The following UBE2K variants were observed in gnomAD, a reference collection of about 807,000 sequenced individuals.
UBE2K encodes ubiquitin conjugating enzyme E2 K, also known as ubiquitin-conjugating enzyme E2 K.
A neutral mutation model predicts 30.0 loss-of-function variants in UBE2K; 6 were observed. The observed-to-expected ratio is 0.20, with a 90% CI of 0.11 to 0.39. The LOEUF (loss-of-function observed/expected upper bound fraction) is 0.39, where lower values mean the gene tolerates loss of function less well. Ranked by LOEUF, UBE2K falls within the 10% of genes least tolerant of loss-of-function variation. The probability of loss-of-function intolerance (pLI) is 1.00; values close to 1 mark genes in which losing one functional copy is unlikely to be tolerated. For synonymous variants in UBE2K, 86 were observed against 83.7 expected (o/e 1.03, Z -0.15); for missense variants, 61 against 241.6 (o/e 0.25, Z 4.96).
intron 1 of UBE2K, among the ~76,000 whole-genome samples, chr4:39,708,699 G>A (rs1219275899): frequency 6.6e-6 from 1 of 151,996 alleles, no homozygotes; most frequent in Admixed American, 6.6e-5. Flanking sequence ...ACAGATCTAG[G>A]CCAAACTTCT....
chr4:39,713,240 A>G (rs1438732634), intron 1 of UBE2K, among the ~76,000 whole-genome samples: 6 of 149,716 alleles, frequency 4.0e-5, no homozygotes, highest in Non-Finnish European at 7.4e-5. Flanking sequence ...TTCATCTCAA[A>G]AAAGAAAATT....
chr4:39,705,247 G>T (rs1413460853), intron 1 of UBE2K, among the ~76,000 whole-genome samples: 1 of 142,694 alleles, frequency 7.0e-6, no homozygotes, highest in African/African-American at 2.6e-5. Flanking sequence ...GTCCAGGCTG[G>T]AGTATGGTGG....
At chr4:39,746,736 T>G (rs529607868) in intron 3 of UBE2K, among the ~76,000 whole-genome samples, 1 of 152,354 alleles carries the variant, frequency 6.6e-6, no homozygotes, top group South Asian at 2.1e-4. Context: ...TCAGTTTCAC[T>G]TAAATCTTTG....
intron 4 of UBE2K, among the ~76,000 whole-genome samples, chr4:39,757,018 GTTTT>G (rs1227834116): frequency 1.4e-5 from 1 of 72,120 alleles, no homozygotes; most frequent in Non-Finnish European, 2.7e-5. Context: ...TTTGTTTTTT[GTTTT>G]TTGTTTTTTG....
At chr4:39,770,393 G>A (rs1712707767) in intron 4 of UBE2K, 2 of 1,613,202 alleles carry the variant, frequency 1.2e-6, no homozygotes. Context: ...TGAAGATGAA[G>A]TGCTGCTGCC....
chr4:39,764,483 C>T (rs1712182312), intron 4 of UBE2K, among the ~76,000 whole-genome samples: 1 of 148,624 alleles, frequency 6.7e-6, no homozygotes, highest in Non-Finnish European at 1.5e-5. Context: ...TTTTCTCTGT[C>T]GCCTAGGCTG....
chr4:39,769,220 T>G (rs1038394003), intron 4 of UBE2K, among the ~76,000 whole-genome samples: 8 of 151,894 alleles, frequency 5.3e-5, no homozygotes, highest in Non-Finnish European at 8.8e-5. Context: ...TTTGTTTTTT[T>G]TTTTTTTTCG....
intron 3 of UBE2K, among the ~76,000 whole-genome samples, chr4:39,755,004 C>T (rs114371716): frequency 8.3e-4 from 127 of 152,208 alleles, no homozygotes; most frequent in Middle Eastern, 3.4e-3. Flanking sequence ...GTTTGTTATT[C>T]TTCCATAATG....
At chr4:39,698,501 C>T (rs971894747) in intron 1 of UBE2K, 111 bp downstream of exon 1, 3 of 982,390 alleles carry the variant, frequency 3.1e-6, no homozygotes, top group African/African-American at 3.2e-5. Flanking sequence ...TTGCGGCCGC[C>T]CTTCTGCCTG....
intron 1 of UBE2K, among the ~76,000 whole-genome samples, chr4:39,729,191 G>A (rs900499544): frequency 7.9e-5 from 12 of 151,226 alleles, no homozygotes; most frequent in Non-Finnish European, 1.5e-4. Flanking sequence ...GGCTAGTCTC[G>A]AACTCTTGAC....
At chr4:39,699,231 G>A (rs1216679485) in intron 1 of UBE2K, among the ~76,000 whole-genome samples, 14 of 152,184 alleles carry the variant, frequency 9.2e-5, no homozygotes, top group Admixed American at 9.2e-4. Flanking sequence ...AGATCAGAGA[G>A]ACTGTCTTAA....
chr4:39,714,379 G>T (rs771780532), intron 1 of UBE2K: 1 of 171,654 alleles, frequency 5.8e-6, no homozygotes, highest in Non-Finnish European at 1.3e-5. Flanking sequence ...TGTCAGAATA[G>T]GGCTCCTGGG....
intron 1 of UBE2K, among the ~76,000 whole-genome samples, chr4:39,719,720 G>A (rs1029835120): frequency 1.3e-5 from 2 of 152,182 alleles, no homozygotes; most frequent in Admixed American, 6.5e-5. Flanking sequence ...ATTTTGGGTT[G>A]TCTGATGCTG....
chr4:39,739,604 GC>G (rs1720569913), intron 2 of UBE2K, among the ~76,000 whole-genome samples: 1 of 151,924 alleles, frequency 6.6e-6, no homozygotes, highest in Non-Finnish European at 1.5e-5. Context: ...CCGCCACCAT[GC>G]CCGGCTAATT....
intron 4 of UBE2K, among the ~76,000 whole-genome samples, chr4:39,763,327 C>G (rs1473797054): frequency 6.6e-6 from 1 of 151,584 alleles, no homozygotes; most frequent in Non-Finnish European, 1.5e-5. Context: ...TGTTGGCTCA[C>G]TGCAACCTCC....
chr4:39,758,055 A>G (rs528047466), intron 4 of UBE2K, among the ~76,000 whole-genome samples: 1 of 152,320 alleles, frequency 6.6e-6, no homozygotes, highest in Admixed American at 6.5e-5. Context: ...ACTTGACTAT[A>G]TAACGAACAT....
intron 1 of UBE2K, among the ~76,000 whole-genome samples, chr4:39,736,191 G>A (rs1270366000): frequency 2.0e-5 from 3 of 152,148 alleles, no homozygotes; most frequent in Non-Finnish European, 2.9e-5. Context: ...GGCCGGGCAC[G>A]GTGCCTCACG....
chr4:39,760,176 C>CAAAAAAAAAAAAAAAAAAAAAAAAAAA (rs71194913), intron 4 of UBE2K, among the ~76,000 whole-genome samples: 1 of 77,182 alleles, frequency 1.3e-5, no homozygotes, highest in African/African-American at 6.1e-5. Context: ...GACTCTGTCA[C>CAAAAAAAAAAAAAAAAAAAAAAAAAAA]AAAAAAAAAA....
At position 39,737,471 on chromosome 4, in the gene UBE2K, T is replaced by C. The variant is rs1465638195; in HGVS notation, c.115T>C (p.Leu39=). The C allele has an allele frequency of 4.4e-6, 7 of 1,576,852 alleles. No individual in the cohort carries two copies. The African/African-American group carries it at 9.6e-5, about 22-fold the overall frequency. Reference sequence around the variant, plus strand: ...TCTTGTAGATGAGAATTTTACAGAATTAAGAGGAGAAATAGCAGGACCTCC... The same window carrying C: ...TCTTGTAGATGAGAATTTTACAGAACTAAGAGGAGAAATAGCAGGACCTCC... The part of the protein sequence containing the change: ...VDLVDENFTE[L]RGEIAGPPDT... Residue 39 remains leucine (L), a synonymous_variant, in exon 2 of 7, where the codon TTA becomes CTA. Coordinates refer to ENST00000261427, the MANE Select transcript of UBE2K (RefSeq NM_005339.5).
Sources: allele counts gnomAD v4.1 joint callset (sites outside exome capture counted in the v4.1 genomes callset), GRCh38; gene constraint gnomAD v4.1.1; transcripts MANE v1.5; gene names NCBI Gene and HGNC (gene_info 2026-07-23, HGNC 2026-07-21).